MOB4: variants seen among roughly 807,000 people sequenced by gnomAD.
MOB4 encodes the protein MOB family member 4, phocein.
A neutral mutation model predicts 32.2 loss-of-function variants in MOB4; 4 were observed. The ratio of observed to expected loss-of-function variants is 0.12; its 90% CI spans 0.06 to 0.28. MOB4 has a LOEUF of 0.28. MOB4 is among the 10% of genes least tolerant of loss of function. The pLI is 1.00. For synonymous variants in MOB4, 88 were observed against 88.1 expected (o/e 1.00, Z 0.01); for missense variants, 158 against 271.2 (o/e 0.58, Z 2.93).
intron 3 of MOB4, among the ~76,000 whole-genome samples, chr2:197,537,573 A>T (rs1324133133): frequency 2.0e-5 from 3 of 152,208 alleles, no homozygotes; most frequent in Admixed American, 2.0e-4. Context: ...CAATTTCAGG[A>T]TGCTAAGACT....
chr2:197,531,953 G>A (rs754030932), intron 2 of MOB4, among the ~76,000 whole-genome samples: 71 of 152,020 alleles, frequency 4.7e-4, no homozygotes, highest in Non-Finnish European at 9.0e-4. Context: ...TCACTCCCAG[G>A]TTGGAGTGCA....
chr2:197,534,484 G>A (rs761236724), intron 2 of MOB4, among the ~76,000 whole-genome samples: 1 of 151,898 alleles, frequency 6.6e-6, no homozygotes, highest in Non-Finnish European at 1.5e-5. Context: ...TATACAGTTA[G>A]AGTGATTATA....
At chr2:197,534,922 C>G (rs1574640933) in intron 2 of MOB4, among the ~76,000 whole-genome samples, 1 of 152,306 alleles carries the variant, frequency 6.6e-6, no homozygotes, top group Non-Finnish European at 1.5e-5. Flanking sequence ...GCCTTCCTCT[C>G]TGCCCTCAAG....
At position 197,523,538 on chromosome 2, in the gene MOB4, A is replaced by G. The variant is rs1043303956; in HGVS notation, c.61-86A>G. ...TTGCAAAAGTTTTTTCTTCCCCTCT[A>G]GTGTGAGCTTTGGGTCTTTATTAAG... is the stretch of plus-strand genomic sequence containing the variant. On this transcript the variant is annotated intron_variant, in intron 1 of 7. Coordinates refer to ENST00000323303, the MANE Select transcript of MOB4 (RefSeq NM_015387.5). 2.9e-6 allele frequency: 4 copies of G among 1,356,654 alleles called. No homozygotes were observed. The African/African-American group carries it at 4.4e-5, about 15-fold the overall frequency. 84.0% of individuals were successfully genotyped at this position (1,356,654 alleles called of 1,614,324 possible). A position where few individuals can be genotyped will look rare whatever the true frequency, so the allele number is the denominator to read the frequency against.
At chr2:197,537,383 G>A (rs2086818864) in intron 3 of MOB4, among the ~76,000 whole-genome samples, 1 of 152,182 alleles carries the variant, frequency 6.6e-6, no homozygotes, top group Non-Finnish European at 1.5e-5. Context: ...CTTATTATTT[G>A]TAAGTTGATT....
At chr2:197,545,712 A>T (rs1213407128) in intron 5 of MOB4, among the ~76,000 whole-genome samples, 2 of 152,242 alleles carry the variant, frequency 1.3e-5, no homozygotes, top group African/African-American at 4.8e-5. Context: ...TTTTAATGAA[A>T]TATCCAGAAT....
chr2:197,515,909 T>A, upstream of MOB4: 1 of 606,478 alleles, frequency 1.6e-6, no homozygotes, highest in Non-Finnish European at 2.8e-6. Context: ...CTGTTCCTCG[T>A]TCGCCCTCTC....
chr2:197,516,383 C>A (rs2086411740), intron 1 of MOB4: 3 of 1,410,124 alleles, frequency 2.1e-6, no homozygotes, highest in Admixed American at 6.0e-5. Flanking sequence ...GTGGGGTCTG[C>A]TGGTGGTACC....
At chr2:197,520,960 A>C (rs2086506215) in intron 1 of MOB4, among the ~76,000 whole-genome samples, 1 of 149,604 alleles carries the variant, frequency 6.7e-6, no homozygotes, top group Non-Finnish European at 1.5e-5. Flanking sequence ...AAGCTGGTTT[A>C]TTTGATGTTT....
intron 3 of MOB4, among the ~76,000 whole-genome samples, chr2:197,537,491 A>G (rs2086821074): frequency 6.6e-6 from 1 of 152,166 alleles, no homozygotes; most frequent in African/African-American, 2.4e-5. Flanking sequence ...ACTTTTTAAA[A>G]ATATTTACTT....
chr2:197,536,149 T>G (rs1246852120), intron 3 of MOB4, among the ~76,000 whole-genome samples: 1 of 152,142 alleles, frequency 6.6e-6, no homozygotes, highest in Non-Finnish European at 1.5e-5. Flanking sequence ...TTTTCCTACC[T>G]TGTCCTCCCA....
rs1408584947 is a variant in MOB4 at position 197,520,423 on chromosome 2, G to A, written c.61-3201G>A. ...CAAAGTGCTGAGCGTGAGCCACCGC[G>A]CCCGGCCTAAACTTTATTCATTTTA... On this transcript the variant is annotated intron_variant, in intron 1 of 7. Transcript: ENST00000323303. Among the ~76,000 whole-genome samples the A allele has an allele frequency of 3.9e-5, 6 of 152,028 alleles. No homozygotes were observed. In the East Asian group the frequency reaches 5.8e-4, roughly 15 times the overall value.
chr2:197,516,632 T>C (rs956332259), intron 1 of MOB4: 3 of 472,264 alleles, frequency 6.4e-6, no homozygotes, highest in African/African-American at 4.0e-5. Context: ...ATCCAGCTTG[T>C]CTAGCCGGAT....
At chr2:197,539,657 A>G (rs139781946) in intron 3 of MOB4, among the ~76,000 whole-genome samples, 210 of 151,852 alleles carry the variant, frequency 1.4e-3, no homozygotes, top group African/African-American at 4.9e-3. Context: ...ACATTTTATT[A>G]CCCTCCAGTT....
In MOB4 at chr2:197,518,574, TG is replaced by T. The variant is rs372835400; in HGVS notation, c.60+2429del. On this transcript the variant is annotated intron_variant, in intron 1 of 7. Transcript: ENST00000323303. Reference sequence around the variant, plus strand: ...ATTGCACCTGGAGGTTTTTTTTTTTTGTGTGTGAGGCAGAGTCTCGTTCTGT... The same window carrying T: ...ATTGCACCTGGAGGTTTTTTTTTTTTTGTGTGAGGCAGAGTCTCGTTCTGT... Among the ~76,000 whole-genome samples the T allele has an allele frequency of 3.2e-4, 46 of 142,918 alleles. 1 individual carries two copies. Among genetic ancestry groups the T allele is most frequent in the South Asian group, 6.3e-4 (3 of 4,754 alleles). The allele number at this position is 142,918 out of a possible 152,430, so 93.8% of individuals were successfully genotyped here.
intron 1 of MOB4, among the ~76,000 whole-genome samples, chr2:197,519,721 G>T (rs1254968790): frequency 1.3e-5 from 2 of 152,090 alleles, no homozygotes; most frequent in East Asian, 3.8e-4. Context: ...TGAATCTGCA[G>T]ATTAAACCTG....
chr2:197,531,310 C>T (rs1215466184), intron 2 of MOB4, among the ~76,000 whole-genome samples: 1 of 152,020 alleles, frequency 6.6e-6, no homozygotes, highest in Non-Finnish European at 1.5e-5. Flanking sequence ...TCCCAAAGTG[C>T]TGGGATTACA....
At chr2:197,550,197 G>C (rs1249078431) in intron 6 of MOB4, 78 bp from the exon 7 acceptor site, 8 of 1,347,108 alleles carry the variant, frequency 5.9e-6, no homozygotes, top group Non-Finnish European at 8.0e-6. Context: ...TTCTACACTT[G>C]TAAGCGAGAA....
chr2:197,523,052 A>C (rs1268664388), intron 1 of MOB4, among the ~76,000 whole-genome samples: 13 of 151,932 alleles, frequency 8.6e-5, no homozygotes, highest in Non-Finnish European at 1.9e-4. Flanking sequence ...GGAGCAGTAA[A>C]TTAGCTACTA....
Sources: allele counts gnomAD v4.1 joint callset (sites outside exome capture counted in the v4.1 genomes callset), GRCh38; gene constraint gnomAD v4.1.1; transcripts MANE v1.5; gene names NCBI Gene and HGNC (gene_info 2026-07-23, HGNC 2026-07-21).